The following NUP98 variants were observed in gnomAD, a reference collection of about 807,000 sequenced individuals.
The protein encoded by NUP98 is nucleoporin 98 and 96 precursor, also known as nuclear pore complex protein Nup98-Nup96.
Under a neutral mutation model 191.9 loss-of-function variants are expected in NUP98, and 26 were observed. The observed-to-expected ratio is 0.14, with a 90% CI of 0.10 to 0.19. The LOEUF is 0.19. Ranked by LOEUF, NUP98 falls within the 10% of genes least tolerant of loss-of-function variation. NUP98 has a pLI of 1.00. For missense variants in NUP98, 1,941 were observed against 2,178.8 expected (o/e 0.89, Z 2.17); for synonymous variants, 808 against 778.4 (o/e 1.04, Z -0.63).
At chr11:3,744,677 C>T (rs1249027950) in intron 11 of NUP98, 28 bp from the exon 12 acceptor site, 1 of 1,587,338 alleles carries the variant, frequency 6.3e-7, no homozygotes, top group Non-Finnish European at 8.5e-7. Context: ...AAGAAAAAAG[C>T]ACCACAGAAG....
rs930376388 is a variant in NUP98 at position 3,797,529 on chromosome 11, G to C, written c.-158C>G. 4.5e-6 allele frequency: 2 copies of C among 442,888 alleles called. No homozygotes were observed. The highest frequency in any genetic ancestry group is 3.6e-5 in the East Asian group (1 of 28,148). The allele number at this position is 442,888 out of a possible 1,614,324, so 27.4% of individuals were successfully genotyped here. The stretch of plus-strand genomic sequence containing the variant: ...CCCCTGCCACCGACCGCCGCTTCGG[G>C]CGCAGCGCGCAGAGGGCCCGACTGC... On this transcript the variant is annotated 5_prime_UTR_variant, in exon 1 of 33. Coordinates refer to ENST00000324932, the MANE Select transcript of NUP98 (RefSeq NM_016320.5).
intron 1 of NUP98, among the ~76,000 whole-genome samples, chr11:3,784,630 C>T (rs60726516): frequency 0.072 from 10,766 of 149,396 alleles, 416 homozygotes; most frequent in Middle Eastern, 0.1. Flanking sequence ...CACACCTGTA[C>T]GAAGCTCCAG....
At chr11:3,686,891 G>T (rs1418151337) in intron 28 of NUP98, among the ~76,000 whole-genome samples, 1 of 152,098 alleles carries the variant, frequency 6.6e-6, no homozygotes, top group Non-Finnish European at 1.5e-5. Context: ...GGAGGCTGTG[G>T]CACAAGAACT....
intron 24 of NUP98, among the ~76,000 whole-genome samples, chr11:3,700,098 G>C (rs1184640034): frequency 6.6e-6 from 1 of 152,112 alleles, no homozygotes; most frequent in African/African-American, 2.4e-5. Flanking sequence ...GCTCACGCCT[G>C]TAATCCCAGC....
Position 3,779,145 on chromosome 11 carries a change from A to G in NUP98, c.178+11T>C. 1 of 1,613,464 alleles carries G rather than the reference A, an allele frequency of 6.2e-7. No individual in the cohort carries two copies. Among genetic ancestry groups the G allele is most frequent in the East Asian group, 2.2e-5 (1 of 44,880 alleles). On this transcript the variant is annotated intron_variant, in intron 3 of 32. Coordinates refer to ENST00000324932, the MANE Select transcript of NUP98 (RefSeq NM_016320.5). ...CAAACAAACCAGTTATATCACAAAT[A>G]AAGCCCCTACCTGGTTTAGTCTGTG...
chr11:3,768,023 A>T (rs2081397002), intron 8 of NUP98, among the ~76,000 whole-genome samples: 2 of 152,184 alleles, frequency 1.3e-5, no homozygotes, highest in South Asian at 4.1e-4. Context: ...GTTCCTACTT[A>T]GTAATGAGAA....
chr11:3,761,364 C>A (rs916160582), intron 9 of NUP98, among the ~76,000 whole-genome samples: 1 of 152,172 alleles, frequency 6.6e-6, no homozygotes, highest in African/African-American at 2.4e-5. Flanking sequence ...CAGTAGCTCA[C>A]GCCTGTAATC....
intron 12 of NUP98, among the ~76,000 whole-genome samples, chr11:3,738,794 A>G (rs937104409): frequency 2.0e-5 from 3 of 150,712 alleles, no homozygotes; most frequent in Admixed American, 1.3e-4. Flanking sequence ...AAAAAAAAAA[A>G]AAAAGGAAAG....
In NUP98 at chr11:3,683,202, G is replaced by A. The variant is rs2078028862; in HGVS notation, c.4916C>T (p.Ser1639Phe). ...GAGATGTGGAACCCAGCACTCACCAGAAGCTAAGTGTCGGATGATGAGCTT... is the reference window on the plus strand; with the variant it reads ...GAGATGTGGAACCCAGCACTCACCAAAAGCTAAGTGTCGGATGATGAGCTT... ...CHKLIIRHLA[S>F]DAIINENYDY... Residue 1639 changes from serine (S) to phenylalanine (F), a missense_variant and splice_region_variant, in exon 30 of 33, where the codon TCT (serine) becomes TTT (phenylalanine). Around this residue, in one of 6 missense-constraint regions of NUP98, gnomAD observed 1,030 missense variants for 1,115.8 expected, o/e 0.92. Coordinates refer to ENST00000324932, the MANE Select transcript of NUP98 (RefSeq NM_016320.5). 1 of 1,614,166 alleles carries A rather than the reference G, an allele frequency of 6.2e-7. No homozygotes were observed. Among genetic ancestry groups the A allele is most frequent in the South Asian group, 1.1e-5 (1 of 91,082 alleles).
intron 15 of NUP98, among the ~76,000 whole-genome samples, chr11:3,724,789 A>AAAAAAAAAAAAAAAG (rs1259105482): frequency 1.3e-5 from 2 of 150,360 alleles, no homozygotes; most frequent in African/African-American, 4.9e-5. Flanking sequence ...TCAAAAAAAA[A>AAAAAAAAAAAAAAAG]AAAGAAAGAA....
rs754221642 is a variant in NUP98, at chr11:3,691,411, C to T, written c.4390G>A (p.Glu1464Lys). 8 of 1,614,148 alleles carry T rather than the reference C, an allele frequency of 5.0e-6. No individual in the cohort carries two copies. In the Admixed American group the frequency reaches 1.3e-4, roughly 27 times the overall value. ...CGAAGTGGTGTCTGTGAGTTTTGCT[C>T]CTCCGCTATCACACAGCCAGAACCC... The part of the protein sequence containing the change: ...LEGSGCVIAE[E>K]QNSQTPLRDV... The change falls in exon 28 of 33, where the codon GAG becomes AAG. Residue 1464 changes from glutamate (E) to lysine (K), a missense_variant. Transcript: ENST00000324932.
chr11:3,745,365 G>A lies in NUP98; in HGVS notation c.1268-716C>T, dbSNP rs1294111737. ...TTTACAAAAAGCTCAACGTCTTCTG[G>A]TGAGGTTACTAAACAGACTCAAATT... On this transcript the variant is annotated intron_variant, in intron 11 of 32. Coordinates refer to ENST00000324932, the MANE Select transcript of NUP98 (RefSeq NM_016320.5). Among the ~76,000 whole-genome samples the A allele has an allele frequency of 3.3e-5, 5 of 152,192 alleles. No individual in the cohort carries two copies. The South Asian group carries it at 8.3e-4, about 25-fold the overall frequency.
At chr11:3,763,082 T>C (rs1250740846) in intron 8 of NUP98, 43 bp from the exon 9 acceptor site, 1 of 1,570,766 alleles carries the variant, frequency 6.4e-7, no homozygotes, top group Non-Finnish European at 8.7e-7. Flanking sequence ...CCTGTAATAG[T>C]TTCCGTAACG....
chr11:3,733,451 ATGGG>A (rs2079921548), intron 13 of NUP98, among the ~76,000 whole-genome samples: 1 of 152,118 alleles, frequency 6.6e-6, no homozygotes, highest in Non-Finnish European at 1.5e-5. Context: ...AGCTGGGATT[ATGGG>A]CACGCACCAC....
intron 31 of NUP98, 116 bp downstream of exon 31, chr11:3,679,438 A>T: frequency 8.4e-7 from 1 of 1,187,328 alleles, no homozygotes; most frequent in South Asian, 1.2e-5. Flanking sequence ...GCCTGCTTTG[A>T]CAGTGCTATC....
intron 29 of NUP98, among the ~76,000 whole-genome samples, chr11:3,683,896 C>T (rs1298665413): frequency 6.6e-6 from 1 of 152,022 alleles, no homozygotes; most frequent in Non-Finnish European, 1.5e-5. Context: ...TGATCTCACA[C>T]CGGTATTAAT....
intron 11 of NUP98, among the ~76,000 whole-genome samples, chr11:3,752,599 A>C (rs1332208655): frequency 6.6e-6 from 1 of 152,134 alleles, no homozygotes; most frequent in East Asian, 1.9e-4. Flanking sequence ...GGGAAAAAAA[A>C]AACAGATTAA....
At chr11:3,768,784 A>C in intron 7 of NUP98, 40 bp from the exon 8 acceptor site, 1 of 1,436,878 alleles carries the variant, frequency 7.0e-7, no homozygotes, top group Admixed American at 2.3e-5. Context: ...AAGAAATAAT[A>C]AAAAAAATGT....
chr11:3,685,617 T>A (rs2078112207), intron 29 of NUP98, among the ~76,000 whole-genome samples: 1 of 152,204 alleles, frequency 6.6e-6, no homozygotes, highest in Non-Finnish European at 1.5e-5. Context: ...TATTCTCTCA[T>A]TTCCACTTCA....
Sources: gnomAD v4.1 joint callset for allele counts (sites outside exome capture counted in the v4.1 genomes callset) on GRCh38, gnomAD v4.1.1 for gene constraint, gnomAD v4.1.1 regional missense constraint, MANE v1.5 for transcripts, NCBI Gene and HGNC (gene_info 2026-07-23, HGNC 2026-07-21) for gene names.